GALNT13: variants seen among roughly 807,000 people sequenced by gnomAD.
GALNT13 encodes the protein polypeptide N-acetylgalactosaminyltransferase 13.
A neutral mutation model predicts 64.2 loss-of-function variants in GALNT13; 28 were observed. The ratio of observed to expected loss-of-function variants is 0.44; its 90% CI spans 0.32 to 0.60. GALNT13 has a LOEUF of 0.60. Among genes scored for constraint, GALNT13 ranks in the 20% least tolerant of loss-of-function variants. The pLI, the probability that GALNT13 is intolerant of heterozygous loss-of-function variation, is 0.05. For synonymous variants in GALNT13, 214 were observed against 224.6 expected (o/e 0.95, Z 0.42); for missense variants, 577 against 669.8 (o/e 0.86, Z 1.53).
intron 4 of GALNT13, among the ~76,000 whole-genome samples, chr2:154,167,085 C>A (rs563419803): frequency 9.6e-4 from 146 of 151,846 alleles, no homozygotes; most frequent in African/African-American, 3.2e-3. Context: ...ATGTAACAAA[C>A]CTGCAAGTTG....
At chr2:153,720,713 A>G in the GALNT13 span, among the ~76,000 whole-genome samples, 1 of 150,558 alleles carries the variant, frequency 6.6e-6, no homozygotes, top group Non-Finnish European at 1.5e-5. Context: ...GGGTATCAGC[A>G]ATGGAAGATG....
At chr2:154,088,923 T>A (rs2105434004) in intron 3 of GALNT13, among the ~76,000 whole-genome samples, 1 of 152,242 alleles carries the variant, frequency 6.6e-6, no homozygotes, top group South Asian at 2.1e-4. Flanking sequence ...AATTTCAGGC[T>A]CCTTTGCAGA....
intron 9 of GALNT13, among the ~76,000 whole-genome samples, chr2:154,317,209 C>CAAA (rs10711591): frequency 4.8e-5 from 5 of 103,374 alleles, no homozygotes; most frequent in Non-Finnish European, 8.1e-5. Flanking sequence ...CGAGACATCT[C>CAAA]AAAAAAAAAA....
chr2:153,124,268 C>A, the GALNT13 span, among the ~76,000 whole-genome samples: 1 of 152,154 alleles, frequency 6.6e-6, no homozygotes, highest in Non-Finnish European at 1.5e-5. Context: ...TCACTGTATT[C>A]TTATGAGATC....
the GALNT13 span, among the ~76,000 whole-genome samples, chr2:153,540,166 G>A: frequency 6.6e-6 from 1 of 152,210 alleles, no homozygotes; most frequent in African/African-American, 2.4e-5. Context: ...GCTGTGTGCA[G>A]CCTAGAGACT....
the GALNT13 span, among the ~76,000 whole-genome samples, chr2:153,279,407 T>C: frequency 2.0e-5 from 3 of 152,030 alleles, no homozygotes; most frequent in Admixed American, 6.6e-5. Flanking sequence ...TTGAATAAGA[T>C]TGGTGAAAAT....
chr2:154,412,869 A>C lies in GALNT13; in HGVS notation c.1395+3787A>C, dbSNP rs145414545. 8.0e-4 allele frequency among the ~76,000 whole-genome samples: 121 copies of C among 151,916 alleles called. 2 individuals carry two copies. In the Middle Eastern group the frequency reaches 0.027, roughly 34 times the overall value. ...TACTCAAAGAATAACAAAATTCAGC[A>C]CTCCATTTATATCTATTCTTGCAAT... On this transcript the variant is annotated intron_variant, in intron 11 of 12. Transcript: ENST00000392825.
chr2:153,209,807 T>C, the GALNT13 span, among the ~76,000 whole-genome samples: 2 of 152,090 alleles, frequency 1.3e-5, no homozygotes, highest in African/African-American at 4.8e-5. Context: ...TTGAGAACAG[T>C]GTTTCTTTGT....
the GALNT13 span, among the ~76,000 whole-genome samples, chr2:153,435,701 T>C: frequency 6.6e-6 from 1 of 152,232 alleles, no homozygotes; most frequent in Non-Finnish European, 1.5e-5. Context: ...CTGCTGAAGT[T>C]GCTTATCAGC....
At chr2:153,240,226 G>C in the GALNT13 span, among the ~76,000 whole-genome samples, 18 of 151,912 alleles carry the variant, frequency 1.2e-4, no homozygotes, top group African/African-American at 4.4e-4. Context: ...AGTTCTGTGG[G>C]CTAAAGATTA....
At chr2:153,846,334 C>G in the GALNT13 span, among the ~76,000 whole-genome samples, 1 of 151,910 alleles carries the variant, frequency 6.6e-6, no homozygotes, top group Admixed American at 6.6e-5. Flanking sequence ...AAATGTTTCC[C>G]AAAATACTGC....
chr2:153,251,410 T>C, the GALNT13 span, among the ~76,000 whole-genome samples: 1 of 152,364 alleles, frequency 6.6e-6, no homozygotes, highest in South Asian at 2.1e-4. Context: ...GATCCTCTTT[T>C]AATGATGATT....
chr2:154,167,805 G>T lies in GALNT13; in HGVS notation c.311+27300G>T, dbSNP rs1219833980. ...AAAGGCAGCCTTGCTTGGGGGGCGA[G>T]AACCTGTGCAGGTTGGTACCAACAA... On this transcript the variant is annotated intron_variant, in intron 4 of 12. Transcript: ENST00000392825. 3.9e-5 allele frequency among the ~76,000 whole-genome samples: 6 copies of T among 152,280 alleles called. 1 individual carries two copies. In the East Asian group the frequency reaches 9.7e-4, roughly 25 times the overall value.
At chr2:153,160,440 CAT>C in the GALNT13 span, among the ~76,000 whole-genome samples, 1 of 152,136 alleles carries the variant, frequency 6.6e-6, no homozygotes. Flanking sequence ...GCTCAACAAA[CAT>C]TTTTTTTTCC....
At chr2:153,971,595 TA>T (rs2105128006) in intron 3 of GALNT13, among the ~76,000 whole-genome samples, 2 of 152,252 alleles carry the variant, frequency 1.3e-5, no homozygotes, top group East Asian at 3.9e-4. Context: ...TAGAAATCTA[TA>T]TACAACATAA....
the GALNT13 span, among the ~76,000 whole-genome samples, chr2:153,321,898 G>A: frequency 6.6e-6 from 1 of 151,996 alleles, no homozygotes; most frequent in Non-Finnish European, 1.5e-5. Flanking sequence ...AAGGTTTCAT[G>A]AGGAAAAAGA....
chr2:153,356,238 C>A, the GALNT13 span, among the ~76,000 whole-genome samples: 5 of 152,088 alleles, frequency 3.3e-5, no homozygotes, highest in Admixed American at 6.5e-5. Flanking sequence ...GATTTGATGA[C>A]CATGGATAAT....
the GALNT13 span, among the ~76,000 whole-genome samples, chr2:153,529,422 AG>A: frequency 0.3 from 45,632 of 151,824 alleles, 8,159 homozygotes; most frequent in East Asian, 0.75. Flanking sequence ...CGTTATAAAA[AG>A]TCTCTTAGGA....
chr2:154,403,804 G>T (rs1309407341), intron 10 of GALNT13, among the ~76,000 whole-genome samples: 1 of 152,060 alleles, frequency 6.6e-6, no homozygotes, highest in African/African-American at 2.4e-5. Context: ...GTCCTCCCTT[G>T]CTCCTTCCAG....
Sources: allele counts gnomAD v4.1 joint callset (sites outside exome capture counted in the v4.1 genomes callset), GRCh38; gene constraint gnomAD v4.1.1; transcripts MANE v1.5; gene names NCBI Gene and HGNC (gene_info 2026-07-23, HGNC 2026-07-21).